The following CNTN5 variants were observed in gnomAD, a reference collection of about 807,000 sequenced individuals.
CNTN5 encodes contactin-5.
Under a neutral mutation model 129.1 loss-of-function variants are expected in CNTN5, and 77 were observed. The ratio of observed to expected loss-of-function variants is 0.60; its 90% CI spans 0.50 to 0.72. CNTN5 has a LOEUF of 0.72. Ranked by LOEUF, CNTN5 falls within the 30% of genes least tolerant of loss-of-function variation. CNTN5 has a pLI of 0.00. For synonymous variants in CNTN5, 509 were observed against 465.6 expected, an observed-to-expected ratio of 1.09 and a Z score of -1.20; for missense variants, 1,478 against 1,328.8, an observed-to-expected ratio of 1.11 and a Z score of -1.75.
chr11:99,804,004 A>C (rs1946192515), intron 3 of CNTN5, among the ~76,000 whole-genome samples: 2 of 152,166 alleles, frequency 1.3e-5, no homozygotes, highest in African/African-American at 4.8e-5. Context: ...GTAAACTCTT[A>C]GTGGGGTCTT....
chr11:99,841,975 C>T (rs1947520836), intron 4 of CNTN5, among the ~76,000 whole-genome samples: 1 of 151,728 alleles, frequency 6.6e-6, no homozygotes, highest in African/African-American at 2.4e-5. Context: ...CAACTTCCAC[C>T]TCCATTGTTC....
chr11:99,823,216 T>C (rs1946854669), intron 4 of CNTN5, among the ~76,000 whole-genome samples: 2 of 152,246 alleles, frequency 1.3e-5, no homozygotes, highest in Non-Finnish European at 2.9e-5. Flanking sequence ...TTGTTCATTT[T>C]CTGGGTTTCC....
At chr11:99,390,297 T>C (rs1941191790) in intron 2 of CNTN5, among the ~76,000 whole-genome samples, 1 of 152,028 alleles carries the variant, frequency 6.6e-6, no homozygotes, top group South Asian at 2.1e-4. Context: ...TGTTTTTATT[T>C]TTCATAGAGA....
chr11:99,128,581 G>C (rs984430595), intron 1 of CNTN5, among the ~76,000 whole-genome samples: 1 of 152,132 alleles, frequency 6.6e-6, no homozygotes, highest in Non-Finnish European at 1.5e-5. Flanking sequence ...CTAGAGGAGG[G>C]GGACTCCCCC....
At chr11:99,586,784 A>G (rs1000967860) in intron 3 of CNTN5, among the ~76,000 whole-genome samples, 1 of 152,174 alleles carries the variant, frequency 6.6e-6, no homozygotes, top group Non-Finnish European at 1.5e-5. Context: ...GACTTTATTT[A>G]AAGTTTTAAG....
intron 3 of CNTN5, among the ~76,000 whole-genome samples, chr11:99,763,462 T>C (rs1167761571): frequency 6.6e-6 from 1 of 152,150 alleles, no homozygotes; most frequent in Admixed American, 6.6e-5. Context: ...TTTTTGCTGA[T>C]AAATTAATAA....
chr11:100,142,758 A>T (rs1415782036), intron 13 of CNTN5, among the ~76,000 whole-genome samples: 1 of 149,398 alleles, frequency 6.7e-6, no homozygotes, highest in Non-Finnish European at 1.5e-5. Context: ...TAATGATGTC[A>T]TTTTTTTTTT....
intron 21 of CNTN5, chr11:100,309,609 C>T: frequency 1.0e-6 from 1 of 983,954 alleles, no homozygotes; most frequent in Non-Finnish European, 1.2e-6. Flanking sequence ...ATCCATGCTT[C>T]AGGGACCATG....
chr11:99,208,442 G>A (rs961448), intron 1 of CNTN5, among the ~76,000 whole-genome samples: 4,274 of 152,096 alleles, frequency 0.028, 195 homozygotes, highest in African/African-American at 0.095. Context: ...CTAAGGATAT[G>A]TCCTTTGCAA....
intron 18 of CNTN5, among the ~76,000 whole-genome samples, chr11:100,289,733 C>A (rs1307011612): frequency 6.7e-6 from 1 of 150,342 alleles, no homozygotes; most frequent in Admixed American, 6.6e-5. Flanking sequence ...CACTCCTATT[C>A]AACATAGTGT....
intron 2 of CNTN5, among the ~76,000 whole-genome samples, chr11:99,500,676 T>A (rs1409497906): frequency 6.6e-6 from 1 of 152,148 alleles, no homozygotes. Context: ...ATTGTATATA[T>A]CTTAATTTAT....
chr11:99,162,059 A>G (rs953943207), intron 1 of CNTN5, among the ~76,000 whole-genome samples: 4 of 152,148 alleles, frequency 2.6e-5, no homozygotes, highest in African/African-American at 7.2e-5. Flanking sequence ...TATTGCTTCT[A>G]CAACCCTAGA....
At chr11:99,384,681 T>C (rs1940812664) in intron 2 of CNTN5, among the ~76,000 whole-genome samples, 1 of 152,238 alleles carries the variant, frequency 6.6e-6, no homozygotes, top group African/African-American at 2.4e-5. Context: ...CTATTCTAAT[T>C]ATCTTAAAGA....
At chr11:99,190,412 AT>A (rs953139784) in intron 1 of CNTN5, among the ~76,000 whole-genome samples, 27 of 151,606 alleles carry the variant, frequency 1.8e-4, no homozygotes, top group African/African-American at 6.0e-4. Flanking sequence ...AAACTGTAAG[AT>A]TTTTTTCTAT....
intron 9 of CNTN5, among the ~76,000 whole-genome samples, chr11:100,056,826 T>C (rs1017927890): frequency 2.0e-5 from 3 of 151,788 alleles, no homozygotes; most frequent in Admixed American, 6.6e-5. Context: ...ATATGGGTTA[T>C]TTTAGTGTAC....
intron 2 of CNTN5, among the ~76,000 whole-genome samples, chr11:99,445,037 T>C (rs1944003485): frequency 6.7e-6 from 1 of 148,504 alleles, no homozygotes; most frequent in Admixed American, 6.7e-5. Context: ...TGTGTATTTA[T>C]ATATATTTAT....
intron 6 of CNTN5, among the ~76,000 whole-genome samples, chr11:99,895,764 CTG>C (rs1410915647): frequency 6.6e-6 from 1 of 152,160 alleles, no homozygotes; most frequent in African/African-American, 2.4e-5. Flanking sequence ...TATGTGGAGT[CTG>C]TGCAGAGGCA....
intron 1 of CNTN5, among the ~76,000 whole-genome samples, chr11:99,050,692 C>T (rs1312843379): frequency 2.6e-5 from 4 of 151,718 alleles, no homozygotes; most frequent in Non-Finnish European, 5.9e-5. Flanking sequence ...ATTGTTTATG[C>T]ATTACATATA....
intron 16 of CNTN5, among the ~76,000 whole-genome samples, chr11:100,245,407 C>G (rs1441509057): frequency 6.6e-6 from 1 of 152,118 alleles, no homozygotes. Flanking sequence ...TTGCCGTGAT[C>G]TGATTGGCTT....
Sources: allele counts gnomAD v4.1 joint callset (sites outside exome capture counted in the v4.1 genomes callset), GRCh38; gene constraint gnomAD v4.1.1; transcripts MANE v1.5; gene names NCBI Gene and HGNC (gene_info 2026-07-23, HGNC 2026-07-21).